Variants in ZBTB7C observed in about 807,000 individuals in gnomAD.
ZBTB7C encodes zinc finger and BTB domain-containing protein 7C.
ZBTB7C carries 8 observed loss-of-function variants against 25.7 expected under a neutral mutation model. The observed-to-expected ratio is 0.31, with a 90% CI of 0.18 to 0.56. The LOEUF (loss-of-function observed/expected upper bound fraction) is 0.56, where lower values mean the gene tolerates loss of function less well. ZBTB7C is among the 20% of genes least tolerant of loss of function. The pLI, the probability that ZBTB7C is intolerant of heterozygous loss-of-function variation, is 0.91. For synonymous variants in ZBTB7C, 394 were observed against 369.0 expected (o/e 1.07, Z -0.78); for missense variants, 824 against 855.2 (o/e 0.96, Z 0.46).
chr18:48,051,238 A>G (rs763783011), intron 3 of ZBTB7C, among the ~76,000 whole-genome samples: 168 of 152,328 alleles, frequency 1.1e-3, no homozygotes, highest in Non-Finnish European at 1.8e-3. Context: ...CTGGACTTGA[A>G]GGGTACCGAA....
At chr18:48,164,746 T>A (rs932517681) in intron 3 of ZBTB7C, among the ~76,000 whole-genome samples, 2 of 152,130 alleles carry the variant, frequency 1.3e-5, no homozygotes, top group African/African-American at 4.8e-5. Context: ...AGAGTGTGAA[T>A]AACTTAACCA....
At chr18:48,105,691 A>C (rs1415619597) in intron 3 of ZBTB7C, among the ~76,000 whole-genome samples, 2 of 152,126 alleles carry the variant, frequency 1.3e-5, no homozygotes, top group African/African-American at 4.8e-5. Flanking sequence ...AACAAAACAA[A>C]AAAAAGGTAG....
At chr18:48,382,279 G>C (rs888726382) in intron 1 of ZBTB7C, among the ~76,000 whole-genome samples, 7 of 152,314 alleles carry the variant, frequency 4.6e-5, no homozygotes, top group Middle Eastern at 3.4e-3. Flanking sequence ...TCTGAAGATG[G>C]AGATAGGCTA....
Position 48,215,213 on chromosome 18 carries a change from C to T in ZBTB7C, c.-78-29218G>A, listed in dbSNP as rs533403546. Among the ~76,000 whole-genome samples the T allele has an allele frequency of 3.1e-4, 47 of 152,330 alleles. 1 individual carries two copies. Among genetic ancestry groups the T allele is most frequent in the Middle Eastern group, 6.8e-3 (2 of 294 alleles). ...GAACCTTAGAAGACACAGAAGCCAA[C>T]GGTCCACTTGGGGTAGACTCCTCTC... On this transcript the variant is annotated intron_variant, in intron 2 of 4. Transcript: ENST00000590800.
At chr18:48,291,910 A>G (rs2045240820) in intron 2 of ZBTB7C, among the ~76,000 whole-genome samples, 1 of 152,130 alleles carries the variant, frequency 6.6e-6, no homozygotes, top group Non-Finnish European at 1.5e-5. Context: ...AAAAATTGCT[A>G]CCATTAGCCG....
chr18:48,363,204 C>T (rs552587497), intron 1 of ZBTB7C, among the ~76,000 whole-genome samples: 10 of 120,958 alleles, frequency 8.3e-5, no homozygotes, highest in Non-Finnish European at 1.2e-4. Context: ...TCTTGCTGCT[C>T]GGGAGGGAGG....
intron 3 of ZBTB7C, among the ~76,000 whole-genome samples, chr18:48,164,158 G>C (rs1015766850): frequency 6.6e-6 from 1 of 152,208 alleles, no homozygotes. Flanking sequence ...CAAGCCCACA[G>C]CCAGGGGCAT....
At chr18:48,385,367 C>T (rs530025712) in intron 1 of ZBTB7C, among the ~76,000 whole-genome samples, 5 of 152,290 alleles carry the variant, frequency 3.3e-5, no homozygotes, top group South Asian at 4.1e-4. Context: ...AGAAAGCTGG[C>T]GATGACCTCT....
chr18:48,349,444 G>C (rs2046814044), intron 1 of ZBTB7C, among the ~76,000 whole-genome samples: 1 of 152,132 alleles, frequency 6.6e-6, no homozygotes, highest in Admixed American at 6.5e-5. Context: ...CCTATAATAT[G>C]TTCTGTCCTG....
At chr18:48,154,333 G>T (rs183846905) in intron 3 of ZBTB7C, among the ~76,000 whole-genome samples, 6 of 152,212 alleles carry the variant, frequency 3.9e-5, no homozygotes, top group South Asian at 4.1e-4. Context: ...ATACCTGAGC[G>T]GGGGAGGAGT....
In ZBTB7C at chr18:48,333,418, G is replaced by A. The variant is rs539788284; in HGVS notation, c.-79+4756C>T. Among the ~76,000 whole-genome samples the A allele has an allele frequency of 1.2e-4, 18 of 152,226 alleles. No individual in the cohort carries two copies. The East Asian group carries it at 2.9e-3, about 24-fold the overall frequency. On this transcript the variant is annotated intron_variant, in intron 2 of 4. Coordinates refer to ENST00000590800, the MANE Select transcript of ZBTB7C (RefSeq NM_001318841.2). ...CCACAGCACCTTTTACTTTTAGAGC[G>A]CATGTACACCTGGAAACAGGATTAA... is the stretch of plus-strand genomic sequence containing the variant.
intron 3 of ZBTB7C, among the ~76,000 whole-genome samples, chr18:48,112,260 CTTTTTTTTTTTTT>C (rs1048802422): frequency 8.3e-6 from 1 of 120,054 alleles, no homozygotes; most frequent in Non-Finnish European, 1.8e-5. Context: ...TAATTTTTTT[CTTTTTTTTTTTTT>C]TTTTTGCCTT....
intron 3 of ZBTB7C, among the ~76,000 whole-genome samples, chr18:48,163,297 A>G (rs2144968355): frequency 6.6e-6 from 1 of 152,310 alleles, no homozygotes; most frequent in East Asian, 1.9e-4. Context: ...GTGACTCTGA[A>G]GCTGGGTTCC....
chr18:48,395,540 G>A (rs1457060442), intron 1 of ZBTB7C, among the ~76,000 whole-genome samples: 2 of 151,920 alleles, frequency 1.3e-5, no homozygotes, highest in Non-Finnish European at 2.9e-5. Flanking sequence ...CTGTGTACTT[G>A]TGTTCTATGC....
intron 2 of ZBTB7C, among the ~76,000 whole-genome samples, chr18:48,324,631 T>C (rs937145551): frequency 2.6e-5 from 4 of 152,054 alleles, no homozygotes; most frequent in Admixed American, 2.6e-4. Flanking sequence ...AGGAGGCTGA[T>C]GAGGTGAGCA....
chr18:48,181,685 C>A (rs1411577807), intron 3 of ZBTB7C, among the ~76,000 whole-genome samples: 1 of 152,188 alleles, frequency 6.6e-6, no homozygotes, highest in Non-Finnish European at 1.5e-5. Flanking sequence ...GGACCTCGTC[C>A]ACCTTCTCAA....
At position 48,367,734 on chromosome 18, in the gene ZBTB7C, G is replaced by C. The variant is rs969729905; in HGVS notation, c.-303-29336C>G. 3.9e-5 allele frequency among the ~76,000 whole-genome samples: 6 copies of C among 152,066 alleles called. No homozygotes were observed. The South Asian group carries it at 1.0e-3, about 26-fold the overall frequency. On this transcript the variant is annotated intron_variant, in intron 1 of 4. Transcript: ENST00000590800. ...CTTCCACTCCAACCCAGCACTCCCTGCTGGGATGGTGTCAGAGGAGGCCTA... is the reference window on the plus strand; with the variant it reads ...CTTCCACTCCAACCCAGCACTCCCTCCTGGGATGGTGTCAGAGGAGGCCTA...
At chr18:48,138,169 T>C (rs1456296678) in intron 3 of ZBTB7C, among the ~76,000 whole-genome samples, 2 of 152,254 alleles carry the variant, frequency 1.3e-5, no homozygotes, top group Non-Finnish European at 2.9e-5. Context: ...TCTGCCACTC[T>C]TCTCCGGCAG....
intron 3 of ZBTB7C, among the ~76,000 whole-genome samples, chr18:48,129,881 G>C (rs905672938): frequency 2.0e-5 from 3 of 152,200 alleles, no homozygotes; most frequent in Non-Finnish European, 4.4e-5. Context: ...CCAAGGTCTG[G>C]AGTGTGGAGC....
Sources: allele counts gnomAD v4.1 joint callset (sites outside exome capture counted in the v4.1 genomes callset), GRCh38; gene constraint gnomAD v4.1.1; transcripts MANE v1.5; gene names NCBI Gene and HGNC (gene_info 2026-07-23, HGNC 2026-07-21).